The following NEIL2 variants were observed in gnomAD, a reference collection of about 807,000 sequenced individuals.
The protein encoded by NEIL2 is nei like DNA glycosylase 2.
Under a neutral mutation model 22.2 loss-of-function variants are expected in NEIL2, and 23 were observed. The observed-to-expected ratio is 1.04, with a 90% CI of 0.75 to 1.47. The LOEUF (loss-of-function observed/expected upper bound fraction) is 1.47. NEIL2 is among the 40% of genes most tolerant of loss of function. The pLI is 0.00. For missense variants in NEIL2, 583 were observed against 404.7 expected, an observed-to-expected ratio of 1.44 and a Z score of -3.78; for synonymous variants, 229 against 164.8, an observed-to-expected ratio of 1.39 and a Z score of -2.99.
intron 4 of NEIL2, 102 bp downstream of exon 4, chr8:11,783,501 C>T (rs1804629282): frequency 1.0e-6 from 1 of 1,001,448 alleles, no homozygotes; most frequent in African/African-American, 1.6e-5. Context: ...TGTGCCAGTG[C>T]TGTTGGTTTT....
chr8:11,772,711 G>C (rs953327662), intron 2 of NEIL2, among the ~76,000 whole-genome samples: 2 of 152,202 alleles, frequency 1.3e-5, no homozygotes, highest in South Asian at 4.1e-4. Context: ...TAGGAAGCAC[G>C]GGTGGTGCCT....
rs1253904140 is a variant in NEIL2, at chr8:11,786,088, C to T, written c.814C>T (p.Leu272=). ...DHVVEFSTAW[L]QGKFQGRPQH... is the part of the protein sequence containing the mutation. The stretch of plus-strand genomic sequence containing the variant: ...CGTGGTGGAGTTCAGTACAGCCTGG[C>T]TGCAGGGCAAGTTCCAAGGCAGACC... Residue 272 remains leucine, a synonymous_variant, in exon 5 of 5, where the codon CTG becomes TTG. Transcript: ENST00000284503. 1.2e-6 allele frequency: 2 copies of T among 1,614,082 alleles called. No individual in the cohort carries two copies. The highest frequency in any genetic ancestry group is 1.3e-5 in the African/African-American group (1 of 74,928).
intron 2 of NEIL2, 47 bp from the exon 3 acceptor site, chr8:11,779,550 TC>T (rs1475545041): frequency 1.4e-6 from 2 of 1,393,604 alleles, no homozygotes; most frequent in Non-Finnish European, 2.0e-6. Flanking sequence ...ATTCCCCAGT[TC>T]CCCTCTCTGG....
At chr8:11,772,603 G>A (rs1803559960) in intron 2 of NEIL2, among the ~76,000 whole-genome samples, 1 of 152,122 alleles carries the variant, frequency 6.6e-6, no homozygotes, top group Non-Finnish European at 1.5e-5. Context: ...CCTTTTTACT[G>A]AGTTGTTCTG....
intron 2 of NEIL2, among the ~76,000 whole-genome samples, chr8:11,775,494 C>T (rs1310612907): frequency 6.6e-6 from 1 of 152,214 alleles, no homozygotes; most frequent in Admixed American, 6.5e-5. Context: ...GTGAAGGTCT[C>T]TGACATGCTC....
At chr8:11,776,768 T>C (rs1803938743) in intron 2 of NEIL2, among the ~76,000 whole-genome samples, 1 of 152,094 alleles carries the variant, frequency 6.6e-6, no homozygotes, top group Admixed American at 6.5e-5. Context: ...GGTTCTCTCT[T>C]CCTTGGGGCT....
At chr8:11,785,000 G>A (rs1046210552) in intron 4 of NEIL2, among the ~76,000 whole-genome samples, 9 of 151,574 alleles carry the variant, frequency 5.9e-5, no homozygotes, top group Middle Eastern at 3.4e-3. Flanking sequence ...TCCTGAGTAG[G>A]TGAGACTACA....
chr8:11,775,032 T>G (rs932658146), intron 2 of NEIL2, among the ~76,000 whole-genome samples: 2 of 152,264 alleles, frequency 1.3e-5, no homozygotes, highest in African/African-American at 4.8e-5. Flanking sequence ...TCTACCATTC[T>G]GGGGTCTGGA....
intron 2 of NEIL2, among the ~76,000 whole-genome samples, chr8:11,774,747 T>C (rs1322168805): frequency 6.6e-6 from 1 of 152,220 alleles, no homozygotes; most frequent in Non-Finnish European, 1.5e-5. Flanking sequence ...TAAATACACC[T>C]GTTTCAAATG....
intron 2 of NEIL2, among the ~76,000 whole-genome samples, chr8:11,773,156 G>T (rs1346845352): frequency 6.6e-6 from 1 of 152,126 alleles, no homozygotes; most frequent in Non-Finnish European, 1.5e-5. Flanking sequence ...GGGCAGAATT[G>T]TCTCTTGTCT....
rs374346540 is a variant in NEIL2, at chr8:11,779,738, C to T, written c.279C>T (p.Ser93=). ...ACCCAAAGCAGGTCGGGGAGCCCAG[C>T]GGGCAGAAGACCCTTGATGGATCCT... ...AADPKQVGEP[S]GQKTLDGSSR... Residue 93 remains serine, a synonymous_variant, in exon 3 of 5, where the codon AGC becomes AGT. Coordinates refer to ENST00000284503, the MANE Select transcript of NEIL2 (RefSeq NM_145043.4). The T allele has an allele frequency of 1.3e-4, 203 of 1,614,074 alleles. No individual in the cohort carries two copies. Among genetic ancestry groups the T allele is most frequent in the East Asian group, 7.6e-4 (34 of 44,900 alleles).
At chr8:11,783,141 A>T (rs1237750750) in intron 3 of NEIL2, 62 bp from the exon 4 acceptor site, 10 of 1,457,216 alleles carry the variant, frequency 6.9e-6, no homozygotes, top group Non-Finnish European at 9.6e-6. Context: ...ACCCAGCCAC[A>T]GGGTGTGCTC....
intron 3 of NEIL2, 182 bp from the exon 4 acceptor site, chr8:11,783,021 C>G (rs1804570293): frequency 3.0e-6 from 2 of 672,048 alleles, no homozygotes; most frequent in Admixed American, 2.1e-5. Context: ...AGAGTGTGCT[C>G]TGACTATACT....
chr8:11,777,809 C>T (rs1434123025), intron 2 of NEIL2, among the ~76,000 whole-genome samples: 1 of 152,226 alleles, frequency 6.6e-6, no homozygotes, highest in Non-Finnish European at 1.5e-5. Flanking sequence ...AGTTCTGGAG[C>T]CTGGAAAGTC....
Position 11,771,599 on chromosome 8 carries a change from C to T in NEIL2, c.138+14C>T, listed in dbSNP as rs751863813. The T allele has an allele frequency of 6.2e-7, 1 of 1,610,256 alleles. No individual in the cohort carries two copies. Among genetic ancestry groups the T allele is most frequent in the African/African-American group, 1.3e-5 (1 of 74,930 alleles). On this transcript the variant is annotated intron_variant, in intron 2 of 4. Transcript: ENST00000284503. ...CAGGACACCCAGGTGAGGTAATACT[C>T]CTCTGAAGGGTTGGCTCTGTCGCCC...
At chr8:11,785,429 C>G (rs1804824888) in intron 4 of NEIL2, among the ~76,000 whole-genome samples, 1 of 150,608 alleles carries the variant, frequency 6.6e-6, no homozygotes, top group Non-Finnish European at 1.5e-5. Flanking sequence ...CTCCTGGCCT[C>G]AAGTGATTCA....
intron 2 of NEIL2, among the ~76,000 whole-genome samples, chr8:11,772,577 C>A (rs943997863): frequency 6.6e-6 from 1 of 152,196 alleles, no homozygotes; most frequent in African/African-American, 2.4e-5. Context: ...ACATCATGTA[C>A]TTCCTCCTGT....
chr8:11,773,296 A>C (rs879908416), intron 2 of NEIL2, among the ~76,000 whole-genome samples: 3 of 152,172 alleles, frequency 2.0e-5, no homozygotes, highest in Non-Finnish European at 4.4e-5. Flanking sequence ...CTGCTTTCCC[A>C]GTAAACCAAG....
chr8:11,772,164 C>T (rs964365976), intron 2 of NEIL2, among the ~76,000 whole-genome samples: 9 of 152,156 alleles, frequency 5.9e-5, no homozygotes, highest in African/African-American at 1.4e-4. Flanking sequence ...GATTGTGCTA[C>T]TGCACTCCAG....
Sources: allele counts gnomAD v4.1 joint callset (sites outside exome capture counted in the v4.1 genomes callset), GRCh38; gene constraint gnomAD v4.1.1; transcripts MANE v1.5; gene names NCBI Gene and HGNC (gene_info 2026-07-23, HGNC 2026-07-21).